Variants in HOOK3 observed in about 807,000 individuals in gnomAD.
HOOK3 encodes protein Hook homolog 3.
In HOOK3, 24 loss-of-function variants were observed where a neutral mutation model predicts 116.3. The ratio of observed to expected loss-of-function variants is 0.21; its 90% CI spans 0.15 to 0.29. The LOEUF is 0.29. Ranked by LOEUF, HOOK3 falls within the 10% of genes least tolerant of loss-of-function variation. HOOK3 has a pLI of 1.00. For missense variants in HOOK3, 632 were observed against 830.2 expected (o/e 0.76, Z 2.93); for synonymous variants, 275 against 283.0 (o/e 0.97, Z 0.28).
intron 19 of HOOK3, among the ~76,000 whole-genome samples, chr8:43,011,011 GAGAT>G (rs1324735063): frequency 6.8e-6 from 1 of 147,364 alleles, no homozygotes; most frequent in Non-Finnish European, 1.5e-5. Context: ...TTTTTTTTTT[GAGAT>G]GGAGTCTCGC....
At chr8:43,001,581 C>T (rs1238960736) in intron 16 of HOOK3, among the ~76,000 whole-genome samples, 1 of 151,014 alleles carries the variant, frequency 6.6e-6, no homozygotes, top group Non-Finnish European at 1.5e-5. Flanking sequence ...AAGCTACATT[C>T]TCCAACATAT....
At chr8:42,915,072 C>T (rs966097903) in intron 2 of HOOK3, among the ~76,000 whole-genome samples, 3 of 152,094 alleles carry the variant, frequency 2.0e-5, no homozygotes, top group African/African-American at 7.2e-5. Flanking sequence ...TCTAATTTTC[C>T]CTAGATAAGG....
At chr8:42,923,978 GAATAGGTA>G (rs1807712880) in intron 2 of HOOK3, among the ~76,000 whole-genome samples, 1 of 151,962 alleles carries the variant, frequency 6.6e-6, no homozygotes, top group African/African-American at 2.4e-5. Flanking sequence ...TCTTTTTTCA[GAATAGGTA>G]AAAATTCTGA....
intron 2 of HOOK3, among the ~76,000 whole-genome samples, chr8:42,911,173 C>T (rs190284017): frequency 1.1e-4 from 17 of 152,276 alleles, no homozygotes; most frequent in East Asian, 9.7e-4. Context: ...TGTAAGAGGT[C>T]GGGTGCGGTG....
At chr8:42,923,090 C>G (rs1030574292) in intron 2 of HOOK3, among the ~76,000 whole-genome samples, 1 of 152,058 alleles carries the variant, frequency 6.6e-6, no homozygotes, top group Non-Finnish European at 1.5e-5. Context: ...ATACAATGGC[C>G]AATAAGCACA....
intron 2 of HOOK3, among the ~76,000 whole-genome samples, chr8:42,918,340 T>C (rs945668740): frequency 5.3e-5 from 8 of 151,850 alleles, no homozygotes; most frequent in African/African-American, 1.7e-4. Flanking sequence ...ATTCTCTCTC[T>C]CAAAAAAAAG....
intron 13 of HOOK3, among the ~76,000 whole-genome samples, chr8:42,975,499 C>T (rs951687145): frequency 1.3e-5 from 2 of 152,078 alleles, no homozygotes; most frequent in Admixed American, 6.6e-5. Context: ...CTGGTAGTGA[C>T]GTAAAGGATC....
chr8:43,007,743 C>T, intron 17 of HOOK3, 104 bp from the exon 18 acceptor site: 2 of 545,088 alleles, frequency 3.7e-6, no homozygotes, highest in East Asian at 3.0e-5. Context: ...ATATCACTTG[C>T]ATGCAATGCA....
chr8:42,927,724 C>T (rs1010703253), intron 3 of HOOK3, among the ~76,000 whole-genome samples: 1 of 152,220 alleles, frequency 6.6e-6, no homozygotes, highest in Non-Finnish European at 1.5e-5. Flanking sequence ...CCTACCTCAG[C>T]CTTTCAAATA....
chr8:42,925,355 T>TC (rs1225442173), intron 2 of HOOK3, among the ~76,000 whole-genome samples: 3 of 152,148 alleles, frequency 2.0e-5, no homozygotes, highest in Non-Finnish European at 4.4e-5. Context: ...CACCTCAGCC[T>TC]CCCAAAGTGC....
At chr8:42,939,891 C>T (rs571338342) in intron 4 of HOOK3, among the ~76,000 whole-genome samples, 3,574 of 150,556 alleles carry the variant, frequency 0.024, 147 homozygotes, top group African/African-American at 0.082. Context: ...GATGGGCGGC[C>T]GGGCAGAGAC....
intron 12 of HOOK3, 146 bp from the exon 13 acceptor site, chr8:42,973,961 C>A: frequency 1.5e-6 from 1 of 659,316 alleles, no homozygotes; most frequent in Non-Finnish European, 2.7e-6. Context: ...TCTTTTCCTC[C>A]TTCTATGATC....
rs937848254 is a variant in HOOK3, at chr8:42,907,812, G to A, written c.143+1554G>A. ...GTTCAACAGTCTTTACCGGAGCAAC[G>A]AGGCAAAAAAAAAAAAAAAAAAAAA... On this transcript the variant is annotated intron_variant, in intron 2 of 21. Coordinates refer to ENST00000307602, the MANE Select transcript of HOOK3 (RefSeq NM_032410.4). Among the ~76,000 whole-genome samples, 2 of 96,308 alleles carry A rather than the reference G, an allele frequency of 2.1e-5. 1 individual carries two copies. The highest frequency in any genetic ancestry group is 7.5e-4 in the South Asian group (2 of 2,664). The allele number at this position is 96,308 out of a possible 152,430, so 63.2% of individuals were successfully genotyped here. A position where few individuals can be genotyped will look rare whatever the true frequency, so the allele number is the denominator to read the frequency against.
In HOOK3 at chr8:42,939,702, C is replaced by T. The variant is rs1334853943; in HGVS notation, c.268-3611C>T. ...CTCCCCAGACTGGGTGGCTGCTGGG[C>T]GGAGGGGCTCCTCACTTCTCAGACG... On this transcript the variant is annotated intron_variant, in intron 4 of 21. Coordinates refer to ENST00000307602, the MANE Select transcript of HOOK3 (RefSeq NM_032410.4). Among the ~76,000 whole-genome samples the T allele has an allele frequency of 2.7e-5, 4 of 149,676 alleles. No individual in the cohort carries two copies. In the East Asian group the frequency reaches 6.1e-4, roughly 23 times the overall value.
intron 9 of HOOK3, among the ~76,000 whole-genome samples, chr8:42,965,178 T>A (rs938547824): frequency 1.3e-5 from 2 of 152,188 alleles, no homozygotes; most frequent in Admixed American, 1.3e-4. Context: ...TGACTTTGGT[T>A]TGGAAAAGTA....
chr8:42,970,070 T>C (rs11994115), intron 11 of HOOK3, among the ~76,000 whole-genome samples: 4,701 of 152,304 alleles, frequency 0.031, 265 homozygotes, highest in African/African-American at 0.11. Context: ...GTTTTGCACA[T>C]TTAGGTATTT....
intron 1 of HOOK3, among the ~76,000 whole-genome samples, chr8:42,903,018 T>C (rs146147283): frequency 4.6e-5 from 7 of 152,336 alleles, no homozygotes; most frequent in Non-Finnish European, 7.3e-5. Flanking sequence ...TTCTTTTAAG[T>C]GCTTATTTCT....
At position 43,008,682 on chromosome 8, in the gene HOOK3, C is replaced by T. The variant is rs534642179; in HGVS notation, c.1738+753C>T. Among the ~76,000 whole-genome samples, 169 of 122,770 alleles carry T rather than the reference C, an allele frequency of 1.4e-3. 1 individual carries two copies. In the South Asian group the frequency reaches 0.015, roughly 11 times the overall value. The allele number at this position is 122,770 out of a possible 152,430, so 80.5% of individuals were successfully genotyped here. A position where few individuals can be genotyped will look rare whatever the true frequency, so the allele number is the denominator to read the frequency against. On this transcript the variant is annotated intron_variant, in intron 18 of 21. Coordinates refer to ENST00000307602, the MANE Select transcript of HOOK3 (RefSeq NM_032410.4). ...ATTTTTATTTTTTTTTTTTTTGAGA[C>T]GGAGTCTCGCTCTGTCGCCCAGGCT... is the stretch of plus-strand genomic sequence containing the variant.
chr8:42,942,472 C>T (rs1204137814), intron 4 of HOOK3, among the ~76,000 whole-genome samples: 2 of 152,208 alleles, frequency 1.3e-5, no homozygotes, highest in Admixed American at 1.3e-4. Flanking sequence ...AACCTCTTTC[C>T]TCACCTCCTG....
Sources: allele counts gnomAD v4.1 joint callset (sites outside exome capture counted in the v4.1 genomes callset), GRCh38; gene constraint gnomAD v4.1.1; transcripts MANE v1.5; gene names NCBI Gene and HGNC (gene_info 2026-07-23, HGNC 2026-07-21).